Variants in ZBTB11 observed in about 807,000 individuals in gnomAD.
The protein encoded by ZBTB11 is zinc finger and BTB domain-containing protein 11.
Under a neutral mutation model 113.1 loss-of-function variants are expected in ZBTB11, and 68 were observed. That is an observed-to-expected ratio of 0.60 (90% CI 0.49 to 0.74). The LOEUF (loss-of-function observed/expected upper bound fraction) is 0.74, where lower values mean the gene tolerates loss of function less well. ZBTB11 is among the 30% of genes least tolerant of loss of function. ZBTB11 has a pLI of 0.00. For synonymous variants in ZBTB11, 518 were observed against 452.6 expected (o/e 1.14, Z -1.83); for missense variants, 1,104 against 1,279.4 (o/e 0.86, Z 2.09).
At chr3:101,671,568 T>G (rs1937085955) in intron 2 of ZBTB11, 1 of 585,558 alleles carries the variant, frequency 1.7e-6, no homozygotes, top group Admixed American at 3.2e-5. Flanking sequence ...AATGAAAATC[T>G]GTATCTCACT....
intron 3 of ZBTB11, among the ~76,000 whole-genome samples, chr3:101,666,736 TTTTA>T (rs935927719): frequency 1.6e-4 from 25 of 152,194 alleles, no homozygotes; most frequent in Admixed American, 1.2e-3. Context: ...AAGCCAATAT[TTTTA>T]TTTATTTATT....
chr3:101,664,617 C>A lies in ZBTB11; in HGVS notation c.1721G>T (p.Cys574Phe). The A allele has an allele frequency of 6.2e-7, 1 of 1,613,962 alleles. No individual in the cohort carries two copies. Among genetic ancestry groups the A allele is most frequent in the South Asian group, 1.1e-5 (1 of 91,042 alleles). ...GTATCGTCTCTGAAAAACCATTCCACATTCCCCACATTTATGAGATGCTTC... is the reference window on the plus strand; with the variant it reads ...GTATCGTCTCTGAAAAACCATTCCAAATTCCCCACATTTATGAGATGCTTC... ...TEEASHKCGE[C>F]GMVFQRRYAL... is the part of the protein sequence containing the mutation. Residue 574 changes from cysteine (C) to phenylalanine (F), a missense_variant, in exon 5 of 11, where the codon TGT becomes TTT. Physicochemically the swap from Cys to Phe is radical, Grantham distance 205 (BLOSUM62 -2). Transcript: ENST00000312938.
rs2108317206 is a variant in ZBTB11 at position 101,656,747 on chromosome 3, A to G, written c.2047-499T>C. ...GCCAAATTGCTATGACAGTTTCTAC[A>G]TGCTTACTCTCTATTTCTGTACTTA... On this transcript the variant is annotated intron_variant, in intron 6 of 10. Coordinates refer to ENST00000312938, the MANE Select transcript of ZBTB11 (RefSeq NM_014415.4). Among the ~76,000 whole-genome samples the G allele has an allele frequency of 1.3e-5, 2 of 152,246 alleles. 1 individual carries two copies. The highest frequency in any genetic ancestry group is 6.8e-3 in the Middle Eastern group (2 of 294).
At chr3:101,674,701 A>C (rs1338492889) in intron 1 of ZBTB11, among the ~76,000 whole-genome samples, 1 of 140,500 alleles carries the variant, frequency 7.1e-6, no homozygotes, top group East Asian at 2.1e-4. Context: ...TGTCTCAATA[A>C]ATAAATAAAT....
chr3:101,661,139 C>G (rs902076865), intron 5 of ZBTB11, among the ~76,000 whole-genome samples: 1 of 149,790 alleles, frequency 6.7e-6, no homozygotes, highest in Non-Finnish European at 1.5e-5. Context: ...GAGGCTAAGA[C>G]AGGAGGATCG....
In ZBTB11 at chr3:101,652,563, C is replaced by T. The variant is rs375587903; in HGVS notation, c.2577G>A (p.Val859=). 6.2e-7 allele frequency: 1 copy of T among 1,614,164 alleles called. No homozygotes were observed. The highest frequency in any genetic ancestry group is 2.2e-5 in the East Asian group (1 of 44,870). Residue 859 remains valine (V), a synonymous_variant, in exon 10 of 11, where the codon GTG becomes GTA. Transcript: ENST00000312938. ...TGAATTTTCTTCCACATTTTTCACA[C>T]ACCCGTTCCAGGTTTTGCTTTGCTC... ...KGRAKQNLER[V]CEKCGRKFTQ...
At chr3:101,676,400 C>T (rs944628384) in intron 1 of ZBTB11, 1 of 522,646 alleles carries the variant, frequency 1.9e-6, no homozygotes, top group Non-Finnish European at 3.1e-6. Flanking sequence ...AGGGCCAGGG[C>T]CCGCCCCCAG....
At chr3:101,672,843 C>A (rs544601327) in intron 1 of ZBTB11, among the ~76,000 whole-genome samples, 1 of 152,294 alleles carries the variant, frequency 6.6e-6, no homozygotes, top group South Asian at 2.1e-4. Context: ...CTGAACAGAA[C>A]CTTAAGAGGT....
At chr3:101,652,997 A>G in intron 8 of ZBTB11, 59 bp from the exon 9 acceptor site, 2 of 1,521,412 alleles carry the variant, frequency 1.3e-6, no homozygotes, top group South Asian at 2.6e-5. Flanking sequence ...CAAGTTTCCA[A>G]GAACTCAGTA....
chr3:101,651,144 C>G lies in ZBTB11; in HGVS notation c.*22G>C. 1 of 1,542,270 alleles carries G rather than the reference C, an allele frequency of 6.5e-7. No homozygotes were observed. Among genetic ancestry groups the G allele is most frequent in the Non-Finnish European group, 8.7e-7 (1 of 1,148,562 alleles). On this transcript the variant is annotated 3_prime_UTR_variant, in exon 11 of 11. Transcript: ENST00000312938. ...GTTCAGTGTACAAGAGATGTCACTT[C>G]TTTTTATCTTCATTAACATACTCAT...
Position 101,671,221 on chromosome 3 carries a change from T to C in ZBTB11, c.687A>G (p.Lys229=). The change falls in exon 3 of 11, where the codon AAA becomes AAG. Residue 229 remains lysine (K), a synonymous_variant. Coordinates refer to ENST00000312938, the MANE Select transcript of ZBTB11 (RefSeq NM_014415.4). ...LIEGEEYKAH[K]SVLSANSEYF... ...ACTCGCTATTTGCTGACAAAACAGATTTATGAGCTTTGTACTCTTCTCCTT... is the reference window on the plus strand; with the variant it reads ...ACTCGCTATTTGCTGACAAAACAGACTTATGAGCTTTGTACTCTTCTCCTT... 1 of 1,614,158 alleles carries C rather than the reference T, an allele frequency of 6.2e-7. No individual in the cohort carries two copies. Among genetic ancestry groups the C allele is most frequent in the Non-Finnish European group, 8.5e-7 (1 of 1,180,020 alleles).
chr3:101,657,670 A>T (rs1435006795), intron 6 of ZBTB11, among the ~76,000 whole-genome samples: 2 of 151,848 alleles, frequency 1.3e-5, no homozygotes, highest in Non-Finnish European at 2.9e-5. Context: ...ATAAAAAGGA[A>T]CAAAAAAGAG....
At chr3:101,666,596 C>T (rs1243868734) in intron 3 of ZBTB11, among the ~76,000 whole-genome samples, 1 of 152,134 alleles carries the variant, frequency 6.6e-6, no homozygotes, top group Non-Finnish European at 1.5e-5. Context: ...CAGTGATTCA[C>T]TTTCAAAAGC....
At chr3:101,666,800 A>AG (rs1937003487) in intron 3 of ZBTB11, among the ~76,000 whole-genome samples, 1 of 152,074 alleles carries the variant, frequency 6.6e-6, no homozygotes, top group African/African-American at 2.4e-5. Flanking sequence ...GCCAGGCTAG[A>AG]GTGCAGTGGT....
At chr3:101,655,540 ATTTC>A (rs1374131873) in intron 7 of ZBTB11, among the ~76,000 whole-genome samples, 2 of 152,124 alleles carry the variant, frequency 1.3e-5, no homozygotes, top group East Asian at 1.9e-4. Flanking sequence ...AAGCATGATC[ATTTC>A]TTTATGACTG....
intron 3 of ZBTB11, among the ~76,000 whole-genome samples, chr3:101,669,649 C>T (rs1263339859): frequency 4.0e-5 from 6 of 151,092 alleles, no homozygotes; most frequent in African/African-American, 1.2e-4. Flanking sequence ...CAGTGTAAGA[C>T]GTATTTTCTC....
chr3:101,665,388 CCTA>C lies in ZBTB11; in HGVS notation c.1196_1198del (p.Val399del), dbSNP rs1936975954. On this transcript the variant is annotated inframe_deletion, in exon 4 of 11. Transcript: ENST00000312938. ...TTCAGGATGGGAATCAGCTATACAT[CCTA>C]CTGATGACAGGGCAGATTCAGCCTC... 1.2e-6 allele frequency: 2 copies of C among 1,614,168 alleles called. No individual in the cohort carries two copies. Among genetic ancestry groups the C allele is most frequent in the Non-Finnish European group, 8.5e-7 (1 of 1,180,018 alleles).
rs1937184269 is a variant in ZBTB11 at position 101,676,855 on chromosome 3, C to T, written c.60G>A (p.Pro20=). Residue 20 remains proline (P), a synonymous_variant, in exon 1 of 11, where the codon CCG becomes CCA. Transcript: ENST00000312938. ...ILRYLTNERE[P]YAPGTEGNVK... is the part of the protein sequence containing the mutation. ...CATTGCCCTCGGTGCCCGGCGCATA[C>T]GGCTCGCGCTCGTTCGTCAGGTAAC... 6.2e-7 allele frequency: 1 copy of T among 1,610,276 alleles called. No individual in the cohort carries two copies. The highest frequency in any genetic ancestry group is 1.7e-4 in the Middle Eastern group (1 of 6,054).
intron 7 of ZBTB11, chr3:101,655,860 C>T (rs12636557): frequency 0.3 from 52,840 of 177,940 alleles, 8,393 homozygotes; most frequent in Non-Finnish European, 0.34. Context: ...AACGGTTTCA[C>T]CGTGTTAGCC....
Sources: allele counts gnomAD v4.1 joint callset (sites outside exome capture counted in the v4.1 genomes callset), GRCh38; gene constraint gnomAD v4.1.1; transcripts MANE v1.5; gene names NCBI Gene and HGNC (gene_info 2026-07-23, HGNC 2026-07-21).